Variants in DCAF8L2 observed in about 807,000 individuals in gnomAD.
DCAF8L2 encodes DDB1- and CUL4-associated factor 8-like protein 2.
For synonymous variants in DCAF8L2, 200 were observed against 190.9 expected (o/e 1.05, Z -0.39); for missense variants, 430 against 490.7 (o/e 0.88, Z 1.17).
At chrX:27,504,144 G>A in the DCAF8L2 span, among the ~76,000 whole-genome samples, 13 of 112,017 alleles carry the variant, frequency 1.2e-4, no homozygotes, top group African/African-American at 3.9e-4. Context: ...GCAAATTAAC[G>A]CTAAGTGAAT....
the DCAF8L2 span, among the ~76,000 whole-genome samples, chrX:27,510,402 A>G: frequency 3.5e-5 from 2 of 56,750 alleles, no homozygotes; most frequent in East Asian, 5.2e-4. Flanking sequence ...ACTACAATAC[A>G]TAGAAACTGA....
chrX:27,748,277 A>G lies in DCAF8L2; in HGVS notation c.1382A>G (p.Lys461Arg). The change falls in exon 5 of 5, where the codon AAG becomes AGG. Residue 461 changes from lysine to arginine, a missense_variant. Transcript: ENST00000451261. ...CACAGTGATGGTGCTCAATACAGTA[A>G]GAGATTTAAGGGACACAGAAATAAT... ...SSHSDGAQYS[K>R]RFKGHRNNTT... 1 of 1,211,268 alleles carries G rather than the reference A, an allele frequency of 8.3e-7. No homozygotes were observed.
intron 2 of DCAF8L2, among the ~76,000 whole-genome samples, chrX:27,670,644 C>T (rs1929919108): frequency 9.0e-6 from 1 of 111,242 alleles, no homozygotes; most frequent in Non-Finnish European, 1.9e-5. Context: ...CCCAACAAGT[C>T]TTATGTTGAA....
chrX:27,686,368 T>C (rs1445445349), intron 3 of DCAF8L2, among the ~76,000 whole-genome samples: 1 of 111,448 alleles, frequency 9.0e-6, no homozygotes, highest in Non-Finnish European at 1.9e-5. Flanking sequence ...GAAGAAAATG[T>C]GATATATATA....
chrX:27,704,154 G>GTATATATATATATATATATATATATA lies in DCAF8L2; in HGVS notation c.-142-11914_-142-11913insTATATATATATATATATATATATATA, dbSNP rs34605340. On this transcript the variant is annotated intron_variant, in intron 3 of 4. Transcript: ENST00000451261. Reference sequence around the variant, plus strand: ...CTTGGTTATTGTGAATAGTGCTGCAGTATATATATATATATATATACATAT... The same window carrying GTATATATATATATATATATATATATA: ...CTTGGTTATTGTGAATAGTGCTGCAGTATATATATATATATATATATATATATATATATATATATATATATACATAT... Among the ~76,000 whole-genome samples, 18 of 76,135 alleles carry GTATATATATATATATATATATATATA rather than the reference G, an allele frequency of 2.4e-4. 1 individual carries two copies. Among genetic ancestry groups the GTATATATATATATATATATATATATA allele is most frequent in the African/African-American group, 9.3e-4 (14 of 14,974 alleles). 66.1% of individuals were successfully genotyped at this position (76,135 alleles called of 115,157 possible).
chrX:27,598,978 T>A lies in DCAF8L2; in HGVS notation c.-342+8538T>A, dbSNP rs541341162. On this transcript the variant is annotated intron_variant, in intron 1 of 4. Coordinates refer to ENST00000451261, the MANE Select transcript of DCAF8L2 (RefSeq NM_001353450.2). ...AGTTTCTCAAAAAAAAAAAAAAATA[T>A]ATATATATATATATGATCCAGCAAT... Among the ~76,000 whole-genome samples, 273 of 100,070 alleles carry A rather than the reference T, an allele frequency of 2.7e-3. 1 individual carries two copies. The highest frequency in any genetic ancestry group is 0.014 in the South Asian group (31 of 2,176). The allele number at this position is 100,070 out of a possible 115,157, so 86.9% of individuals were successfully genotyped here.
chrX:27,518,197 T>C, the DCAF8L2 span: 1 of 901,450 alleles, frequency 1.1e-6, no homozygotes, highest in Non-Finnish European at 1.6e-6. Context: ...TCTTTTGGCT[T>C]CCTATGCTGT....
intron 4 of DCAF8L2, among the ~76,000 whole-genome samples, chrX:27,717,238 G>GGAT (rs1267250244): frequency 8.9e-6 from 1 of 111,925 alleles, no homozygotes; most frequent in Non-Finnish European, 1.9e-5. Context: ...CATTCCTTTG[G>GGAT]GTATATACCC....
intron 2 of DCAF8L2, among the ~76,000 whole-genome samples, chrX:27,643,274 CAT>C (rs1296527100): frequency 1.8e-5 from 2 of 112,225 alleles, no homozygotes; most frequent in Non-Finnish European, 3.8e-5. Flanking sequence ...GCTATCCTAA[CAT>C]GTGTAAGGTG....
At chrX:27,516,796 T>A in the DCAF8L2 span, among the ~76,000 whole-genome samples, 1 of 112,162 alleles carries the variant, frequency 8.9e-6, no homozygotes, top group East Asian at 2.8e-4. Context: ...GGTAGTATTG[T>A]CATCCCCTCC....
At chrX:27,732,926 C>T (rs1047765276) in intron 4 of DCAF8L2, among the ~76,000 whole-genome samples, 54 of 111,043 alleles carry the variant, frequency 4.9e-4, no homozygotes, top group African/African-American at 1.7e-3. Context: ...TGTGCAACCT[C>T]GGCTCACTGC....
chrX:27,678,535 T>C (rs1408789525), intron 3 of DCAF8L2, among the ~76,000 whole-genome samples: 4 of 112,336 alleles, frequency 3.6e-5, no homozygotes, highest in Non-Finnish European at 7.5e-5. Context: ...TGCTACAACA[T>C]GGAAACAACA....
the DCAF8L2 span, among the ~76,000 whole-genome samples, chrX:27,485,627 G>T: frequency 9.0e-6 from 1 of 111,323 alleles, no homozygotes; most frequent in Non-Finnish European, 1.9e-5. Context: ...CCATTTTAAA[G>T]ATTAATCTTC....
chrX:27,651,686 A>T (rs1307900967), intron 2 of DCAF8L2, among the ~76,000 whole-genome samples: 2 of 108,362 alleles, frequency 1.8e-5, no homozygotes, highest in Non-Finnish European at 3.8e-5. Context: ...AATTTTTTGT[A>T]TTTTTAGTAG....
At chrX:27,735,997 G>A (rs1921497725) in intron 4 of DCAF8L2, among the ~76,000 whole-genome samples, 2 of 111,657 alleles carry the variant, frequency 1.8e-5, no homozygotes, top group African/African-American at 6.5e-5. Context: ...AATATACTAT[G>A]ATCTTGGCTT....
At position 27,704,154 on chromosome X, in the gene DCAF8L2, G is replaced by GTATATATATATA. The variant is rs34605340; in HGVS notation, c.-142-11925_-142-11914dup. ...CTTGGTTATTGTGAATAGTGCTGCA[G>GTATATATATATA]TATATATATATATATATATACATAT... On this transcript the variant is annotated intron_variant, in intron 3 of 4. Coordinates refer to ENST00000451261, the MANE Select transcript of DCAF8L2 (RefSeq NM_001353450.2). Among the ~76,000 whole-genome samples the GTATATATATATA allele has an allele frequency of 9.3e-3, 707 of 76,034 alleles. 25 individuals carry two copies. The highest frequency in any genetic ancestry group is 0.042 in the East Asian group (108 of 2,601). The allele number at this position is 76,034 out of a possible 115,157, so 66.0% of individuals were successfully genotyped here. A position where few individuals can be genotyped will look rare whatever the true frequency, so the allele number is the denominator to read the frequency against.
At chrX:27,519,259 A>G in the DCAF8L2 span, 2 of 983,850 alleles carry the variant, frequency 2.0e-6, no homozygotes, top group Non-Finnish European at 2.9e-6. Context: ...AGAAGAACAG[A>G]CTCAAAAAGC....
At chrX:27,569,517 T>C in the DCAF8L2 span, among the ~76,000 whole-genome samples, 1 of 112,301 alleles carries the variant, frequency 8.9e-6, no homozygotes, top group Non-Finnish European at 1.9e-5. Flanking sequence ...GACTTTATTA[T>C]TGATGGGACT....
intron 3 of DCAF8L2, among the ~76,000 whole-genome samples, chrX:27,711,200 A>G (rs1931514987): frequency 9.0e-6 from 1 of 110,766 alleles, no homozygotes; most frequent in African/African-American, 3.3e-5. Context: ...TATTTTATAT[A>G]TGGTGGACTT....
Sources: allele counts gnomAD v4.1 joint callset (sites outside exome capture counted in the v4.1 genomes callset), GRCh38; gene constraint gnomAD v4.1.1; transcripts MANE v1.5; gene names NCBI Gene and HGNC (gene_info 2026-07-23, HGNC 2026-07-21).